The following TAFA1 variants were observed in gnomAD, a reference collection of about 807,000 sequenced individuals.
TAFA1 encodes the protein chemokine-like protein TAFA-1.
In TAFA1, 4 loss-of-function variants were observed where a neutral mutation model predicts 18.5. The ratio of observed to expected loss-of-function variants is 0.22; its 90% CI spans 0.11 to 0.49. The LOEUF (loss-of-function observed/expected upper bound fraction) is 0.49, where lower values mean the gene tolerates loss of function less well. Among genes scored for constraint, TAFA1 ranks in the 20% least tolerant of loss-of-function variants. The pLI is 0.98. For missense variants in TAFA1, 147 were observed against 169.0 expected (o/e 0.87, Z 0.72); for synonymous variants, 56 against 55.2 (o/e 1.01, Z -0.06).
At chr3:68,022,795 AT>A in intron 2 of TAFA1, among the ~76,000 whole-genome samples, 1 of 140,324 alleles carries the variant, frequency 7.1e-6, no homozygotes, top group Non-Finnish European at 1.5e-5. Context: ...TTCTCCTTCA[AT>A]TATGTATAAG....
At chr3:68,013,239 TTGTGTGTGAGTG>T (rs1704506499) in intron 2 of TAFA1, among the ~76,000 whole-genome samples, 1 of 152,156 alleles carries the variant, frequency 6.6e-6, no homozygotes, top group Non-Finnish European at 1.5e-5. Flanking sequence ...TTGTTACTAC[TTGTGTGTGAGTG>T]TGTGTGTACA....
intron 2 of TAFA1, among the ~76,000 whole-genome samples, chr3:68,060,790 T>C (rs566715889): frequency 2.6e-5 from 4 of 152,334 alleles, no homozygotes; most frequent in African/African-American, 9.6e-5. Context: ...TATAATTTTA[T>C]TGAGCAATAT....
intron 2 of TAFA1, among the ~76,000 whole-genome samples, chr3:68,318,366 A>C (rs1444906287): frequency 1.3e-5 from 2 of 152,174 alleles, no homozygotes; most frequent in Non-Finnish European, 2.9e-5. Context: ...CATTATATGC[A>C]GAAATTGGAA....
chr3:68,140,056 G>A (rs1205546753), intron 2 of TAFA1, among the ~76,000 whole-genome samples: 3 of 152,144 alleles, frequency 2.0e-5, no homozygotes, highest in African/African-American at 2.4e-5. Flanking sequence ...CCTGTGGTTC[G>A]TTGTGCTCAG....
intron 2 of TAFA1, among the ~76,000 whole-genome samples, chr3:68,241,042 A>G (rs138970898): frequency 7.9e-5 from 12 of 152,304 alleles, no homozygotes; most frequent in African/African-American, 2.9e-4. Flanking sequence ...AAACACCACT[A>G]TAGATATAAA....
At chr3:68,299,365 A>C (rs2068265892) in intron 2 of TAFA1, among the ~76,000 whole-genome samples, 1 of 152,230 alleles carries the variant, frequency 6.6e-6, no homozygotes, top group Admixed American at 6.5e-5. Context: ...GAGATGACTT[A>C]AGGTATCTAG....
chr3:68,248,729 CG>C (rs2067133519), intron 2 of TAFA1, among the ~76,000 whole-genome samples: 1 of 1,058 alleles, frequency 9.5e-4, no homozygotes, highest in Middle Eastern at 0.5. Context: ...GGGTGGTGGG[CG>C]GGGGGCGGGG....
chr3:68,475,962 T>A (rs2072086862), intron 3 of TAFA1, among the ~76,000 whole-genome samples: 1 of 152,226 alleles, frequency 6.6e-6, no homozygotes, highest in Admixed American at 6.5e-5. Context: ...TGTCTTCTTT[T>A]GAGAAGTGTC....
At chr3:68,492,123 G>A (rs933289711) in intron 3 of TAFA1, among the ~76,000 whole-genome samples, 5 of 152,112 alleles carry the variant, frequency 3.3e-5, no homozygotes, top group African/African-American at 7.2e-5. Context: ...AGAAATTAGC[G>A]GATATTTGCT....
intron 2 of TAFA1, among the ~76,000 whole-genome samples, chr3:68,403,706 A>G (rs2070540603): frequency 6.6e-6 from 1 of 152,220 alleles, no homozygotes; most frequent in Non-Finnish European, 1.5e-5. Flanking sequence ...CAGAGACCAC[A>G]TGGCCCACAA....
intron 2 of TAFA1, among the ~76,000 whole-genome samples, chr3:68,193,205 T>C (rs184610246): frequency 1.5e-4 from 23 of 151,894 alleles, no homozygotes; most frequent in African/African-American, 3.9e-4. Context: ...ATACATACCA[T>C]GCTGCTAACT....
the TAFA1 span, among the ~76,000 whole-genome samples, chr3:67,995,007 C>T: frequency 1.6e-5 from 2 of 124,894 alleles, no homozygotes; most frequent in African/African-American, 3.0e-5. Context: ...GCTTTGAACA[C>T]TTAAGTTTCA....
chr3:68,410,567 G>GTAGTACAA (rs1473463641), intron 2 of TAFA1, among the ~76,000 whole-genome samples: 1 of 151,860 alleles, frequency 6.6e-6, no homozygotes, highest in African/African-American at 2.4e-5. Flanking sequence ...GAAAATCTGA[G>GTAGTACAA]TAGTACAAAC....
At chr3:68,261,041 C>G (rs202196743) in intron 2 of TAFA1, among the ~76,000 whole-genome samples, 2 of 151,832 alleles carry the variant, frequency 1.3e-5, no homozygotes, top group South Asian at 2.1e-4. Context: ...GGCTAATATC[C>G]AGAATCTACA....
chr3:68,291,260 C>A (rs1307181342), intron 2 of TAFA1, among the ~76,000 whole-genome samples: 4 of 152,088 alleles, frequency 2.6e-5, no homozygotes, highest in African/African-American at 4.8e-5. Flanking sequence ...GAGTCTCGGA[C>A]TGTAAGATGT....
chr3:68,367,837 C>T (rs949497988), intron 2 of TAFA1, among the ~76,000 whole-genome samples: 1 of 152,018 alleles, frequency 6.6e-6, no homozygotes, highest in African/African-American at 2.4e-5. Flanking sequence ...TCTAATAAGG[C>T]AGGTTCTAGG....
At chr3:68,254,532 A>T (rs1017068518) in intron 2 of TAFA1, among the ~76,000 whole-genome samples, 2 of 152,016 alleles carry the variant, frequency 1.3e-5, no homozygotes, top group South Asian at 4.1e-4. Flanking sequence ...CATGGTGGGG[A>T]GGGGACTATA....
chr3:68,001,595 T>C (rs111265312), upstream of TAFA1, among the ~76,000 whole-genome samples: 2 of 150,626 alleles, frequency 1.3e-5, no homozygotes, highest in Non-Finnish European at 2.9e-5. Flanking sequence ...TTTTTTTTGG[T>C]TGCTGCTTTT....
chr3:68,505,866 T>C (rs1849236), intron 3 of TAFA1, among the ~76,000 whole-genome samples: 30,716 of 146,776 alleles, frequency 0.21, 3,212 homozygotes, highest in Middle Eastern at 0.24. Flanking sequence ...TTCCCATCAC[T>C]AGTGCCATAT....
Sources: allele counts gnomAD v4.1 joint callset (sites outside exome capture counted in the v4.1 genomes callset), GRCh38; gene constraint gnomAD v4.1.1; transcripts MANE v1.5; gene names NCBI Gene and HGNC (gene_info 2026-07-23, HGNC 2026-07-21).